Variants in BBS9 observed in about 807,000 individuals in gnomAD.
The protein encoded by BBS9 is protein PTHB1.
In BBS9, 89 loss-of-function variants were observed where a neutral mutation model predicts 117.7. The ratio of observed to expected loss-of-function variants is 0.76; its 90% CI spans 0.64 to 0.90. The LOEUF (loss-of-function observed/expected upper bound fraction) is 0.90. Ranked by LOEUF, BBS9 falls within the 40% of genes least tolerant of loss-of-function variation. BBS9 has a pLI of 0.00. For missense variants in BBS9, 982 were observed against 1,042.2 expected, an observed-to-expected ratio of 0.94 and a Z score of 0.80; for synonymous variants, 379 against 370.9, an observed-to-expected ratio of 1.02 and a Z score of -0.25.
At chr7:33,453,895 CTGTT>C (rs1196922198) in intron 19 of BBS9, among the ~76,000 whole-genome samples, 4 of 152,100 alleles carry the variant, frequency 2.6e-5, no homozygotes, top group East Asian at 1.9e-4. Context: ...TGTTAATTGA[CTGTT>C]TATGTTATTG....
At position 33,379,288 on chromosome 7, in the gene BBS9, A is replaced by T. The variant is rs551299853; in HGVS notation, c.1790-4378A>T. On this transcript the variant is annotated intron_variant, in intron 17 of 22. Coordinates refer to ENST00000242067, the MANE Select transcript of BBS9 (RefSeq NM_198428.3). Reference sequence around the variant, plus strand: ...CTTTTTACTTCTGGGGCCAGATGATACAGTTCTTTAAACGTGTGATAATAA... The same window carrying T: ...CTTTTTACTTCTGGGGCCAGATGATTCAGTTCTTTAAACGTGTGATAATAA... 1.0e-3 allele frequency among the ~76,000 whole-genome samples: 157 copies of T among 152,296 alleles called. 1 individual carries two copies. The highest frequency in any genetic ancestry group is 3.4e-3 in the Middle Eastern group (1 of 294).
At chr7:33,533,305 C>A (rs2129058387) in intron 20 of BBS9, among the ~76,000 whole-genome samples, 1 of 152,290 alleles carries the variant, frequency 6.6e-6, no homozygotes, top group South Asian at 2.1e-4. Flanking sequence ...CCACACTGTT[C>A]CCAACAAAAG....
intron 20 of BBS9, among the ~76,000 whole-genome samples, chr7:33,527,402 T>A (rs960760514): frequency 4.6e-5 from 7 of 152,204 alleles, no homozygotes; most frequent in South Asian, 2.1e-4. Context: ...TCAGCGAGAC[T>A]CCGTGGGCGT....
chr7:33,487,074 A>C (rs1282956566), intron 19 of BBS9, among the ~76,000 whole-genome samples: 2 of 152,220 alleles, frequency 1.3e-5, no homozygotes, highest in African/African-American at 2.4e-5. Flanking sequence ...CTTTCTATAA[A>C]GTTTTGTGAT....
intron 21 of BBS9, among the ~76,000 whole-genome samples, chr7:33,627,044 A>G (rs1865670326): frequency 6.6e-6 from 1 of 152,242 alleles, no homozygotes; most frequent in South Asian, 2.1e-4. Flanking sequence ...AAGGCATTTC[A>G]GAGAACTTTG....
chr7:33,405,733 C>G (rs1312159532), intron 19 of BBS9, among the ~76,000 whole-genome samples: 2 of 152,248 alleles, frequency 1.3e-5, no homozygotes, highest in South Asian at 4.1e-4. Flanking sequence ...ATTCTTCTCT[C>G]TTTTCTTCTT....
At chr7:33,504,684 C>T (rs1166407518) in intron 19 of BBS9, among the ~76,000 whole-genome samples, 1 of 152,064 alleles carries the variant, frequency 6.6e-6, no homozygotes, top group Non-Finnish European at 1.5e-5. Flanking sequence ...AGACATTAAA[C>T]TAAAATAAAA....
At chr7:33,429,677 A>T (rs114631102) in intron 19 of BBS9, among the ~76,000 whole-genome samples, 2,534 of 148,152 alleles carry the variant, frequency 0.017, 63 homozygotes, top group African/African-American at 0.059. Flanking sequence ...TTATTTATTT[A>T]TTTTTTTCTG....
At chr7:33,467,567 A>ACCC (rs1563215445) in intron 19 of BBS9, among the ~76,000 whole-genome samples, 595 of 59,324 alleles carry the variant, frequency 0.01, 5 homozygotes, top group South Asian at 0.042. Flanking sequence ...GAACCCCCCA[A>ACCC]CTCCGCCACC....
chr7:33,319,914 G>A (rs138914510), intron 9 of BBS9, among the ~76,000 whole-genome samples: 11 of 152,218 alleles, frequency 7.2e-5, no homozygotes, highest in Admixed American at 1.3e-4. Flanking sequence ...CGAATAGACA[G>A]TTCTCAAAAG....
At chr7:33,518,344 G>A (rs894453747) in intron 20 of BBS9, among the ~76,000 whole-genome samples, 5 of 144,400 alleles carry the variant, frequency 3.5e-5, no homozygotes, top group African/African-American at 5.2e-5. Flanking sequence ...TCTGCCTCCC[G>A]GGTTCAAACG....
At chr7:33,467,762 T>A (rs1284256338) in intron 19 of BBS9, among the ~76,000 whole-genome samples, 1 of 152,130 alleles carries the variant, frequency 6.6e-6, no homozygotes, top group Non-Finnish European at 1.5e-5. Flanking sequence ...ATGATATGGA[T>A]CTTTTAGTGT....
intron 5 of BBS9, among the ~76,000 whole-genome samples, chr7:33,211,633 C>G (rs1482726369): frequency 6.6e-6 from 1 of 151,788 alleles, no homozygotes; most frequent in Non-Finnish European, 1.5e-5. Flanking sequence ...AGTAGTTTAC[C>G]CATCATGACT....
At chr7:33,485,659 A>G (rs1843014633) in intron 19 of BBS9, among the ~76,000 whole-genome samples, 1 of 152,074 alleles carries the variant, frequency 6.6e-6, no homozygotes, top group Non-Finnish European at 1.5e-5. Flanking sequence ...TTTGAGAGAA[A>G]TTTTTCTTCT....
chr7:33,209,543 C>T (rs1787614468), intron 5 of BBS9, among the ~76,000 whole-genome samples: 1 of 152,152 alleles, frequency 6.6e-6, no homozygotes, highest in South Asian at 2.1e-4. Context: ...AGTGATTGTA[C>T]TAATTATTCC....
intron 9 of BBS9, among the ~76,000 whole-genome samples, chr7:33,320,982 A>G (rs1811594630): frequency 6.6e-6 from 1 of 152,022 alleles, no homozygotes; most frequent in South Asian, 2.1e-4. Flanking sequence ...TATTGAAGAG[A>G]CTGTCCTTTC....
At chr7:33,175,602 C>A (rs1199633688) in intron 4 of BBS9, among the ~76,000 whole-genome samples, 1 of 152,156 alleles carries the variant, frequency 6.6e-6, no homozygotes, top group East Asian at 1.9e-4. Context: ...GAAACAGCTT[C>A]ATTCCTGACA....
chr7:33,415,703 A>G (rs1169933896), intron 19 of BBS9, among the ~76,000 whole-genome samples: 1 of 152,128 alleles, frequency 6.6e-6, no homozygotes, highest in Non-Finnish European at 1.5e-5. Flanking sequence ...GCTTTACTTA[A>G]ACACTCCCAA....
At chr7:33,327,122 T>C (rs1028658546) in intron 9 of BBS9, among the ~76,000 whole-genome samples, 2 of 152,274 alleles carry the variant, frequency 1.3e-5, no homozygotes. Flanking sequence ...ACACTTTACC[T>C]GCAGTGGCAA....
Sources: allele counts gnomAD v4.1 joint callset (sites outside exome capture counted in the v4.1 genomes callset), GRCh38; gene constraint gnomAD v4.1.1; transcripts MANE v1.5; gene names NCBI Gene and HGNC (gene_info 2026-07-23, HGNC 2026-07-21).